DNM3: variants seen among roughly 807,000 people sequenced by gnomAD.
DNM3 encodes the protein dynamin-3.
A neutral mutation model predicts 101.6 loss-of-function variants in DNM3; 47 were observed. The ratio of observed to expected loss-of-function variants is 0.46; its 90% CI spans 0.37 to 0.59. The LOEUF (loss-of-function observed/expected upper bound fraction) is 0.59. Ranked by LOEUF, DNM3 falls within the 20% of genes least tolerant of loss-of-function variation. DNM3 has a pLI of 0.00. For synonymous variants in DNM3, 385 were observed against 387.9 expected (o/e 0.99, Z 0.09); for missense variants, 849 against 1,085.7 (o/e 0.78, Z 3.06).
intron 14 of DNM3, among the ~76,000 whole-genome samples, chr1:172,205,850 T>C (rs922984245): frequency 2.0e-5 from 3 of 152,266 alleles, no homozygotes. Context: ...CCTTAAACAT[T>C]AGTTGCAATG....
Position 171,921,751 on chromosome 1 carries a change from C to G in DNM3, c.165C>G (p.Asp55Glu). 6.3e-7 allele frequency: 1 copy of G among 1,585,886 alleles called. No individual in the cohort carries two copies. Among genetic ancestry groups the G allele is most frequent in the Non-Finnish European group, 8.6e-7 (1 of 1,164,346 alleles). The change falls in exon 2 of 21, where the codon GAC becomes GAG. Residue 55 changes from aspartate (D) to glutamate (E), a missense_variant. Around this residue, in one of 5 missense-constraint regions of DNM3, gnomAD observed 388 missense variants for 483.0 expected, o/e 0.80. Coordinates refer to ENST00000627582, the MANE Select transcript of DNM3 (RefSeq NM_015569.5). ...SSVLENFVGR[D>E]FLPRGSGIVT... is the part of the protein sequence containing the mutation. ...CTGTATTTCTTACTTTTTTTAGGGA[C>G]TTTCTCCCTCGAGGGTCGGGCATTG... is the stretch of plus-strand genomic sequence containing the variant.
At chr1:172,052,529 A>G (rs1360937857) in intron 10 of DNM3, among the ~76,000 whole-genome samples, 1 of 152,104 alleles carries the variant, frequency 6.6e-6, no homozygotes, top group Non-Finnish European at 1.5e-5. Flanking sequence ...TAATTCCTCA[A>G]CTGAAATTTG....
At chr1:172,413,378 C>G (rs904723021), downstream of DNM3, among the ~76,000 whole-genome samples, 1 of 152,156 alleles carries the variant, frequency 6.6e-6, no homozygotes, top group South Asian at 2.1e-4. Flanking sequence ...AGGCGCCCGC[C>G]ACCACGCCCG....
chr1:172,129,266 G>A (rs1293836665), intron 13 of DNM3, among the ~76,000 whole-genome samples: 1 of 152,180 alleles, frequency 6.6e-6, no homozygotes, highest in Non-Finnish European at 1.5e-5. Context: ...GATTGTATGT[G>A]TGCATGCACG....
intron 2 of DNM3, among the ~76,000 whole-genome samples, chr1:171,981,966 C>T (rs755007350): frequency 2.6e-5 from 4 of 152,168 alleles, no homozygotes. Flanking sequence ...GCACTGACTA[C>T]TCACATTGAT....
chr1:172,156,144 TA>T (rs1426012171), intron 14 of DNM3, among the ~76,000 whole-genome samples: 2 of 152,068 alleles, frequency 1.3e-5, no homozygotes, highest in African/African-American at 4.8e-5. Context: ...ATTAAGCACT[TA>T]AAAAAATGTT....
rs182339757 is a variant in DNM3, at chr1:172,189,846, G to A, written c.1659+58558G>A. ...GAGAGAGGGAGCAAGAAAGAGAGAA[G>A]GGGGAGGTCCAAGACTCCTTTAAAC... On this transcript the variant is annotated intron_variant, in intron 14 of 20. Coordinates refer to ENST00000627582, the MANE Select transcript of DNM3 (RefSeq NM_015569.5). 4.6e-3 allele frequency among the ~76,000 whole-genome samples: 699 copies of A among 151,910 alleles called. 13 individuals carry two copies. Among genetic ancestry groups the A allele is most frequent in the African/African-American group, 0.016 (651 of 41,414 alleles).
chr1:172,282,287 T>A (rs1387287436), intron 15 of DNM3, among the ~76,000 whole-genome samples: 2 of 152,332 alleles, frequency 1.3e-5, no homozygotes, highest in East Asian at 3.9e-4. Flanking sequence ...AATCACTTTC[T>A]CCAGGAACAT....
rs562477233 is a variant in DNM3 at position 172,191,800 on chromosome 1, T to G, written c.1659+60512T>G. Among the ~76,000 whole-genome samples the G allele has an allele frequency of 2.0e-5, 3 of 152,320 alleles. No individual in the cohort carries two copies. The South Asian group carries it at 6.2e-4, about 32-fold the overall frequency. Reference sequence around the variant, plus strand: ...GCAATTGTGAATGGGAGTTCACTCATGATTTGGCTTTCTGTTTGTCTGTTA... The same window carrying G: ...GCAATTGTGAATGGGAGTTCACTCAGGATTTGGCTTTCTGTTTGTCTGTTA... On this transcript the variant is annotated intron_variant, in intron 14 of 20. Coordinates refer to ENST00000627582, the MANE Select transcript of DNM3 (RefSeq NM_015569.5).
chr1:172,077,599 C>G (rs2052768329), intron 11 of DNM3, among the ~76,000 whole-genome samples: 1 of 152,180 alleles, frequency 6.6e-6, no homozygotes, highest in African/African-American at 2.4e-5. Flanking sequence ...GCAGGTTGTT[C>G]AGTTTCCATG....
chr1:171,977,727 T>C (rs1460136149), intron 2 of DNM3, among the ~76,000 whole-genome samples: 1 of 152,238 alleles, frequency 6.6e-6, no homozygotes, highest in Non-Finnish European at 1.5e-5. Context: ...TCTCTTTGTT[T>C]ACTCTTTCAG....
At position 171,979,848 on chromosome 1, in the gene DNM3, A is replaced by T. The variant is rs537647381; in HGVS notation, c.236-7808A>T. Among the ~76,000 whole-genome samples, 8 of 152,302 alleles carry T rather than the reference A, an allele frequency of 5.3e-5. No individual in the cohort carries two copies. In the South Asian group the frequency reaches 1.7e-3, roughly 32 times the overall value. On this transcript the variant is annotated intron_variant, in intron 2 of 20. Transcript: ENST00000627582. ...CAACTGGCTTCGGCTTTGTATCTTG[A>T]CAAAACAGCTCTGCCTTCCATTCCA...
chr1:172,046,346 A>G (rs958674671), intron 9 of DNM3, among the ~76,000 whole-genome samples: 19 of 152,168 alleles, frequency 1.2e-4, no homozygotes, highest in Non-Finnish European at 1.9e-4. Context: ...ATAGATGGGA[A>G]TTGAATAATG....
intron 14 of DNM3, among the ~76,000 whole-genome samples, chr1:172,228,525 T>C (rs1237005795): frequency 2.0e-5 from 3 of 152,150 alleles, no homozygotes; most frequent in Non-Finnish European, 4.4e-5. Context: ...TGATTACTTT[T>C]GTTTTCTTTG....
In DNM3 at chr1:171,987,403, A is replaced by C. The variant is rs185172312; in HGVS notation, c.236-253A>C. On this transcript the variant is annotated intron_variant, in intron 2 of 20. Transcript: ENST00000627582. ...TTCTTTAAATTATTTAATAGGCTAG[A>C]TGGTTTAGGGACTGGTTTTAGTATT... is the stretch of plus-strand genomic sequence containing the variant. 171 of 818,978 alleles carry C rather than the reference A, an allele frequency of 2.1e-4. No homozygotes were observed. In the African/African-American group the frequency reaches 2.9e-3, roughly 14 times the overall value. The allele number at this position is 818,978 out of a possible 1,614,324, so 50.7% of individuals were successfully genotyped here. A position where few individuals can be genotyped will look rare whatever the true frequency, so the allele number is the denominator to read the frequency against.
intron 20 of DNM3, among the ~76,000 whole-genome samples, chr1:172,404,527 A>G (rs930194932): frequency 1.3e-5 from 2 of 152,110 alleles, no homozygotes; most frequent in African/African-American, 2.4e-5. Flanking sequence ...ACATGGTCCA[A>G]GGATTAAAGC....
chr1:172,077,072 A>AT (rs1170517131), intron 11 of DNM3, among the ~76,000 whole-genome samples: 1 of 151,812 alleles, frequency 6.6e-6, no homozygotes, highest in Non-Finnish European at 1.5e-5. Flanking sequence ...GAATTTATCC[A>AT]TTTTTTCTAG....
chr1:172,171,965 A>G (rs2058976948), intron 14 of DNM3, among the ~76,000 whole-genome samples: 1 of 151,714 alleles, frequency 6.6e-6, no homozygotes, highest in Non-Finnish European at 1.5e-5. Flanking sequence ...TGGGAGCATC[A>G]AAGAATGGGA....
chr1:172,040,725 T>A (rs1375691129), intron 7 of DNM3, among the ~76,000 whole-genome samples: 1 of 152,098 alleles, frequency 6.6e-6, no homozygotes, highest in South Asian at 2.1e-4. Context: ...TGGTGCCGGA[T>A]AGAGTCATGG....
Sources: gnomAD v4.1 joint callset for allele counts (sites outside exome capture counted in the v4.1 genomes callset) on GRCh38, gnomAD v4.1.1 for gene constraint, gnomAD v4.1.1 regional missense constraint, MANE v1.5 for transcripts, NCBI Gene and HGNC (gene_info 2026-07-23, HGNC 2026-07-21) for gene names.